SNX13: variants seen among roughly 807,000 people sequenced by gnomAD.
SNX13 encodes the protein sorting nexin-13.
SNX13 carries 45 observed loss-of-function variants against 133.6 expected under a neutral mutation model. The observed-to-expected ratio is 0.34, with a 90% CI of 0.27 to 0.43. SNX13 has a LOEUF of 0.43. Ranked by LOEUF, SNX13 falls within the 20% of genes least tolerant of loss-of-function variation. The pLI is 1.00. For synonymous variants in SNX13, 414 were observed against 373.9 expected, an observed-to-expected ratio of 1.11 and a Z score of -1.24; for missense variants, 1,032 against 1,145.1, an observed-to-expected ratio of 0.90 and a Z score of 1.43.
intron 1 of SNX13, among the ~76,000 whole-genome samples, chr7:17,935,597 A>G (rs1394755083): frequency 1.3e-5 from 2 of 152,262 alleles, no homozygotes; most frequent in Non-Finnish European, 2.9e-5. Context: ...CCATAAATGC[A>G]TAAAAATGAC....
At chr7:17,928,950 C>A (rs1801076453) in intron 1 of SNX13, among the ~76,000 whole-genome samples, 1 of 152,112 alleles carries the variant, frequency 6.6e-6, no homozygotes, top group African/African-American at 2.4e-5. Context: ...ATAAACCATT[C>A]TATTTGTTAC....
chr7:17,819,391 TA>T (rs1184337360), intron 18 of SNX13, among the ~76,000 whole-genome samples: 1 of 151,990 alleles, frequency 6.6e-6, no homozygotes, highest in Non-Finnish European at 1.5e-5. Context: ...ACAGCCCAGC[TA>T]ATTTTTTGTA....
At chr7:17,909,917 C>T (rs1798789541) in intron 1 of SNX13, among the ~76,000 whole-genome samples, 1 of 152,308 alleles carries the variant, frequency 6.6e-6, no homozygotes, top group Middle Eastern at 3.4e-3. Flanking sequence ...TATCTTAAGC[C>T]ATTTACGTTT....
intron 9 of SNX13, among the ~76,000 whole-genome samples, chr7:17,866,765 CAGAA>C (rs1341852603): frequency 1.3e-5 from 2 of 152,060 alleles, no homozygotes. Flanking sequence ...CACAGTCAGA[CAGAA>C]AGAGTAAGAT....
intron 1 of SNX13, among the ~76,000 whole-genome samples, chr7:17,915,455 C>T (rs1183406944): frequency 6.6e-6 from 1 of 152,202 alleles, no homozygotes; most frequent in Non-Finnish European, 1.5e-5. Context: ...GTAAGCCCGT[C>T]AATGATATGC....
At chr7:17,809,414 T>A (rs890074496) in intron 20 of SNX13, among the ~76,000 whole-genome samples, 15 of 150,876 alleles carry the variant, frequency 9.9e-5, no homozygotes, top group Non-Finnish European at 2.2e-4. Flanking sequence ...AAGGGATCAA[T>A]GCAACAAGAG....
intron 20 of SNX13, among the ~76,000 whole-genome samples, chr7:17,808,346 A>T (rs1370256854): frequency 3.3e-5 from 5 of 152,230 alleles, no homozygotes; most frequent in African/African-American, 1.2e-4. Context: ...AGTGGAAGAA[A>T]GGATATCAGA....
chr7:17,844,269 T>A (rs942822057), intron 12 of SNX13, among the ~76,000 whole-genome samples: 2 of 151,918 alleles, frequency 1.3e-5, no homozygotes, highest in African/African-American at 4.8e-5. Flanking sequence ...AAAAGTACTA[T>A]GAACAATTGT....
Position 17,940,306 on chromosome 7 carries a change from C to T in SNX13, c.-11G>A. 1 of 1,566,002 alleles carries T rather than the reference C, an allele frequency of 6.4e-7. No individual in the cohort carries two copies. The highest frequency in any genetic ancestry group is 1.4e-5 in the African/African-American group (1 of 73,744). On this transcript the variant is annotated 5_prime_UTR_variant, in exon 1 of 26. Coordinates refer to ENST00000428135, the MANE Select transcript of SNX13 (RefSeq NM_015132.5). ...TACCTCAGTTAACATTATTACACCC[C>T]GGGGAAGTGAGGTCCTCCCTAGCCT...
In SNX13 at chr7:17,796,729, T is replaced by C. The variant is rs1483362368; in HGVS notation, c.2626+98A>G. The stretch of plus-strand genomic sequence containing the variant: ...TATGTATTAAGCCATCAAAAGGTAG[T>C]TGTTATAATCAAAAGGCAGTTACAC... On this transcript the variant is annotated intron_variant, in intron 25 of 25. Transcript: ENST00000428135. The C allele has an allele frequency of 6.1e-6, 5 of 815,744 alleles. No homozygotes were observed. In the African/African-American group the frequency reaches 8.4e-5, roughly 14 times the overall value. The allele number at this position is 815,744 out of a possible 1,614,324, so 50.5% of individuals were successfully genotyped here.
chr7:17,833,935 T>C (rs2128311405), intron 15 of SNX13, 117 bp downstream of exon 15: 3 of 670,588 alleles, frequency 4.5e-6, no homozygotes, highest in East Asian at 3.2e-5. Flanking sequence ...TTTTTTAATA[T>C]ATTACAGTTT....
chr7:17,936,538 G>C (rs1038874096), intron 1 of SNX13, among the ~76,000 whole-genome samples: 1 of 152,174 alleles, frequency 6.6e-6, no homozygotes, highest in Admixed American at 6.5e-5. Flanking sequence ...TTGATAACTG[G>C]TTTCCATGCA....
chr7:17,873,609 T>G lies in SNX13; in HGVS notation c.672A>C (p.Leu224=), dbSNP rs762028387. The G allele has an allele frequency of 6.4e-7, 1 of 1,556,130 alleles. No homozygotes were observed. Among genetic ancestry groups the G allele is most frequent in the African/African-American group, 1.4e-5 (1 of 72,908 alleles). ...ATAGTAAGACCTCACACAAATCCCT[T>G]AGGAATCCTAAAAGTAGAAAAAGTA... ...CTSPKDEEGF[L]RDLCEVLLYL... Residue 224 remains leucine (L), a synonymous_variant, in exon 8 of 26, where the codon CTA becomes CTC. Transcript: ENST00000428135.
chr7:17,823,818 G>A (rs1452771433), intron 17 of SNX13, among the ~76,000 whole-genome samples: 1 of 152,062 alleles, frequency 6.6e-6, no homozygotes, highest in Non-Finnish European at 1.5e-5. Flanking sequence ...TTTGGGAAAG[G>A]AAAATAGAAA....
chr7:17,868,383 G>A (rs763352182), intron 9 of SNX13, 24 bp downstream of exon 9: 51 of 1,518,360 alleles, frequency 3.4e-5, no homozygotes, highest in Admixed American at 9.1e-5. Context: ...CTAAAACAGA[G>A]TTGTAATTTT....
At chr7:17,937,223 T>C (rs1802190981) in intron 1 of SNX13, among the ~76,000 whole-genome samples, 1 of 152,140 alleles carries the variant, frequency 6.6e-6, no homozygotes, top group African/African-American at 2.4e-5. Flanking sequence ...CATTAATCTA[T>C]ATTTCATAGG....
At chr7:17,859,777 T>G (rs1935508192) in intron 9 of SNX13, among the ~76,000 whole-genome samples, 1 of 152,162 alleles carries the variant, frequency 6.6e-6, no homozygotes, top group Non-Finnish European at 1.5e-5. Flanking sequence ...ATAAGCTTAT[T>G]TCACTTAACA....
At chr7:17,911,359 C>T (rs2691564) in intron 1 of SNX13, among the ~76,000 whole-genome samples, 67,114 of 151,984 alleles carry the variant, frequency 0.44, 15,232 homozygotes, top group South Asian at 0.66. Flanking sequence ...ACATAATTGC[C>T]GGGGCGCAGT....
rs557838956 is a variant in SNX13, at chr7:17,823,835, G to C, written c.1705+2187C>G. 2.1e-4 allele frequency among the ~76,000 whole-genome samples: 32 copies of C among 152,192 alleles called. 1 individual carries two copies. In the South Asian group the frequency reaches 6.6e-3, roughly 32 times the overall value. ...TGGGAAAGGAAAATAGAAAGCAGAG[G>C]CCAATTAGGCAGCTAACCATAACTA... On this transcript the variant is annotated intron_variant, in intron 17 of 25. Transcript: ENST00000428135.
Sources: gnomAD v4.1 joint callset for allele counts (sites outside exome capture counted in the v4.1 genomes callset) on GRCh38, gnomAD v4.1.1 for gene constraint, MANE v1.5 for transcripts, NCBI Gene and HGNC (gene_info 2026-07-23, HGNC 2026-07-21) for gene names.